Variants in CTBP2 observed in about 807,000 individuals in gnomAD.
CTBP2 encodes the protein C-terminal binding protein 2.
In CTBP2, 30 loss-of-function variants were observed where a neutral mutation model predicts 80.3. The observed-to-expected ratio is 0.37, with a 90% CI of 0.28 to 0.51. CTBP2 has a LOEUF of 0.51. Among genes scored for constraint, CTBP2 ranks in the 20% least tolerant of loss-of-function variants. The probability of loss-of-function intolerance (pLI) is 0.93; values close to 1 mark genes in which losing one functional copy is unlikely to be tolerated. For missense variants in CTBP2, 1,212 were observed against 1,375.3 expected, an observed-to-expected ratio of 0.88 and a Z score of 1.88; for synonymous variants, 594 against 587.4, an observed-to-expected ratio of 1.01 and a Z score of -0.16.
intron 2 of CTBP2, among the ~76,000 whole-genome samples, chr10:125,081,826 T>C (rs1390683786): frequency 6.6e-6 from 1 of 151,986 alleles, no homozygotes; most frequent in Non-Finnish European, 1.5e-5. Flanking sequence ...TCACAGCATG[T>C]CAGGGGCGCT....
intron 4 of CTBP2, chr10:124,996,821 G>C (rs537921027): frequency 1.3e-5 from 2 of 152,312 alleles, no homozygotes; most frequent in African/African-American, 4.8e-5. Context: ...GAGGGAGCCT[G>C]GTGTTCACAC....
chr10:125,026,624 A>G lies in CTBP2; in HGVS notation c.1136T>C (p.Leu379Pro), dbSNP rs2134687361. The change falls in exon 1 of 9, where the codon CTC (leucine) becomes CCC (proline). Residue 379 changes from leucine (L) to proline (P), a missense_variant. By Grantham distance (98) the Leu-to-Pro change is moderately conservative (BLOSUM62 -3). Around this residue, in one of 3 missense-constraint regions of CTBP2, gnomAD observed 848 missense variants for 782.3 expected, o/e 1.08. Coordinates refer to ENST00000309035, the MANE Select transcript of CTBP2 (RefSeq NM_022802.3). ...GCCCAGAGAAGCCAAGTCACCATGGAGCAGTTCGCTTCGGTGGCTGAAGCT... is the reference window on the plus strand; with the variant it reads ...GCCCAGAGAAGCCAAGTCACCATGGGGCAGTTCGCTTCGGTGGCTGAAGCT... 2.5e-6 allele frequency: 4 copies of G among 1,572,824 alleles called. 1 individual carries two copies. The South Asian group carries it at 4.6e-5, about 18-fold the overall frequency.
intron 1 of CTBP2, among the ~76,000 whole-genome samples, chr10:125,020,554 G>C (rs1956939982): frequency 6.6e-6 from 1 of 152,226 alleles, no homozygotes; most frequent in Admixed American, 6.5e-5. Context: ...CAAGGTCCCA[G>C]CAGCAGTCTT....
intron 1 of CTBP2, among the ~76,000 whole-genome samples, chr10:125,119,072 T>A (rs1853865601): frequency 6.6e-6 from 1 of 152,214 alleles, no homozygotes; most frequent in African/African-American, 2.4e-5. Context: ...AGAGGGGTTT[T>A]CTGAGCTCCT....
chr10:125,046,695 A>G (rs61192649), intron 2 of CTBP2, among the ~76,000 whole-genome samples: 7,649 of 152,270 alleles, frequency 0.05, 235 homozygotes, highest in Admixed American at 0.078. Flanking sequence ...AGTAAGAAAC[A>G]TCAAAGAAAT....
rs1203045687 is a variant in CTBP2 at position 125,096,068 on chromosome 10, C to T, written c.-102+14922G>A. 3.3e-5 allele frequency among the ~76,000 whole-genome samples: 5 copies of T among 152,176 alleles called. No homozygotes were observed. In the South Asian group the frequency reaches 6.2e-4, roughly 19 times the overall value. ...GGGCTCATCTCCTTTCCCTCCACTC[C>T]TTAATACTTAGGGGGTTATTCTTTT... On this transcript the variant is annotated intron_variant, in intron 2 of 10. Transcript: ENST00000337195.
chr10:125,052,869 T>C (rs1041659315), intron 2 of CTBP2, among the ~76,000 whole-genome samples: 3 of 152,178 alleles, frequency 2.0e-5, no homozygotes, highest in African/African-American at 7.2e-5. Context: ...TCATATGGCT[T>C]TGGGACAGCC....
intron 2 of CTBP2, among the ~76,000 whole-genome samples, chr10:125,098,768 G>GAGAGAGAGAC (rs1850139722): frequency 1.4e-5 from 2 of 138,458 alleles, no homozygotes; most frequent in Non-Finnish European, 3.2e-5. Flanking sequence ...GAGAGAGAGA[G>GAGAGAGAGAC]AGAGAGAGAG....
At chr10:125,086,219 G>A (rs1431608838) in intron 2 of CTBP2, among the ~76,000 whole-genome samples, 4 of 152,170 alleles carry the variant, frequency 2.6e-5, no homozygotes, top group Admixed American at 1.3e-4. Flanking sequence ...ACTCATGAAC[G>A]GGATTAGTGC....
At chr10:125,003,307 T>G (rs1206729726) in intron 2 of CTBP2, 31 bp downstream of exon 4, 1 of 1,604,118 alleles carries the variant, frequency 6.2e-7, no homozygotes, top group Non-Finnish European at 8.5e-7. Flanking sequence ...CCAAGGTCAG[T>G]GCAGGCCCCG....
At chr10:124,994,442 C>G in intron 5 of CTBP2, 27 bp downstream of exon 7, 1 of 1,609,448 alleles carries the variant, frequency 6.2e-7, no homozygotes, top group Non-Finnish European at 8.5e-7. Context: ...TCGACAGAAG[C>G]TTCCATGGCA....
At chr10:125,155,697 A>C (rs1045641904) in intron 1 of CTBP2, among the ~76,000 whole-genome samples, 33 of 151,088 alleles carry the variant, frequency 2.2e-4, no homozygotes, top group Non-Finnish European at 4.6e-4. Flanking sequence ...AAAAAAAAAA[A>C]CTCTTTCATA....
intron 1 of CTBP2, chr10:125,005,590 A>G (rs1955131712): frequency 3.1e-6 from 5 of 1,612,690 alleles, no homozygotes; most frequent in Non-Finnish European, 4.2e-6. Context: ...TGCAGCACAA[A>G]GCTGGATACC....
chr10:125,150,769 G>C (rs1173914138), intron 1 of CTBP2, among the ~76,000 whole-genome samples: 3 of 149,014 alleles, frequency 2.0e-5, no homozygotes, highest in Non-Finnish European at 4.4e-5. Flanking sequence ...CGTATTCAAC[G>C]GGGCCTGCCT....
chr10:125,153,005 G>A (rs557115458), intron 1 of CTBP2, among the ~76,000 whole-genome samples: 13 of 152,346 alleles, frequency 8.5e-5, no homozygotes, highest in African/African-American at 2.6e-4. Flanking sequence ...TCAGGGTCTC[G>A]GGTGTTTGCA....
intron 2 of CTBP2, chr10:125,088,171 C>T (rs1848271868): frequency 6.6e-6 from 1 of 152,198 alleles, no homozygotes. Flanking sequence ...CCTGTCAAGA[C>T]AACTGTAACT....
At chr10:125,070,024 T>TTA (rs144159067) in intron 2 of CTBP2, among the ~76,000 whole-genome samples, 1,562 of 151,344 alleles carry the variant, frequency 0.01, 31 homozygotes, top group African/African-American at 0.035. Flanking sequence ...CTCAGCAGTT[T>TTA]TATATATATA....
chr10:125,145,650 A>AT (rs1354158894), intron 1 of CTBP2, among the ~76,000 whole-genome samples: 1 of 152,148 alleles, frequency 6.6e-6, no homozygotes, highest in Non-Finnish European at 1.5e-5. Flanking sequence ...TCACGCCACC[A>AT]TAACTACTGG....
chr10:125,003,148 G>C lies in CTBP2; in HGVS notation c.1834-44C>G, dbSNP rs1160062008. The C allele has an allele frequency of 5.0e-6, 8 of 1,610,966 alleles. No homozygotes were observed. In the East Asian group the frequency reaches 1.8e-4, roughly 36 times the overall value. Reference sequence around the variant, plus strand: ...CAGGGTCGGAGCCCCACCCCGTGCAGCCCACCGGCACCACTTGGCCTGGCC... The same window carrying C: ...CAGGGTCGGAGCCCCACCCCGTGCACCCCACCGGCACCACTTGGCCTGGCC... On this transcript the variant is annotated intron_variant, in intron 2 of 8. Transcript: ENST00000309035.
Sources: allele counts gnomAD v4.1 joint callset (sites outside exome capture counted in the v4.1 genomes callset), GRCh38; gene constraint gnomAD v4.1.1; regional missense constraint gnomAD v4.1.1; transcripts MANE v1.5; gene names NCBI Gene and HGNC (gene_info 2026-07-23, HGNC 2026-07-21).